Variants in TTLL11 observed in about 807,000 individuals in gnomAD.
The protein encoded by TTLL11 is tubulin tyrosine ligase like 11, also known as tubulin polyglutamylase TTLL11.
In TTLL11, 42 loss-of-function variants were observed where a neutral mutation model predicts 51.7. The observed-to-expected ratio is 0.81, with a 90% CI of 0.64 to 1.05. The LOEUF (loss-of-function observed/expected upper bound fraction) is 1.05, where lower values mean the gene tolerates loss of function less well. TTLL11 is among the 50% of genes least tolerant of loss of function. TTLL11 has a pLI of 0.00. For synonymous variants in TTLL11, 381 were observed against 383.5 expected (o/e 0.99, Z 0.08); for missense variants, 799 against 940.4 (o/e 0.85, Z 1.97).
At chr9:121,969,360 T>C (rs905647492) in intron 6 of TTLL11, among the ~76,000 whole-genome samples, 1 of 151,954 alleles carries the variant, frequency 6.6e-6, no homozygotes, top group African/African-American at 2.4e-5. Context: ...GTCAAGTTCT[T>C]CCCCCGGTAG....
chr9:121,942,316 C>T (rs1841506941), intron 6 of TTLL11, among the ~76,000 whole-genome samples: 1 of 152,234 alleles, frequency 6.6e-6, no homozygotes, highest in African/African-American at 2.4e-5. Flanking sequence ...TCCAATGTCA[C>T]CTTCACAGTC....
intron 1 of TTLL11, among the ~76,000 whole-genome samples, chr9:122,060,815 A>G (rs1845416023): frequency 6.6e-6 from 1 of 152,226 alleles, no homozygotes; most frequent in Admixed American, 6.5e-5. Flanking sequence ...ATTAGCTCCA[A>G]CGGTCCATTT....
intron 6 of TTLL11, among the ~76,000 whole-genome samples, chr9:121,881,459 A>G (rs1838788411): frequency 6.6e-6 from 1 of 152,204 alleles, no homozygotes; most frequent in African/African-American, 2.4e-5. Flanking sequence ...ATCCCAGGTC[A>G]GATACTCCCT....
At chr9:122,056,539 C>T (rs921308155) in intron 1 of TTLL11, among the ~76,000 whole-genome samples, 1 of 152,178 alleles carries the variant, frequency 6.6e-6, no homozygotes, top group African/African-American at 2.4e-5. Flanking sequence ...AACCCAGCCT[C>T]ATTAAATCCT....
chr9:121,826,314 T>TTATATATATATATATGGGTTTATA (rs201255541), intron 8 of TTLL11, among the ~76,000 whole-genome samples: 1 of 91,816 alleles, frequency 1.1e-5, no homozygotes, highest in African/African-American at 4.2e-5. Context: ...ATATATGGGT[T>TTATATATATATATATGGGTTTATA]TATATATATA....
rs148422563 is a variant in TTLL11, at chr9:121,915,206, GGT to G, written c.1482-44460_1482-44459del. Among the ~76,000 whole-genome samples the G allele has an allele frequency of 1.8e-3, 277 of 152,040 alleles. 2 individuals are homozygous for G. The highest frequency in any genetic ancestry group is 6.1e-3 in the African/African-American group (253 of 41,470). Reference sequence around the variant, plus strand: ...TAGCAACATGAAAAAAGTAAACAAAGGTGTGTGTGTGTGCATGTGCATGCATG... The same window carrying G: ...TAGCAACATGAAAAAAGTAAACAAAGGTGTGTGTGTGCATGTGCATGCATG... On this transcript the variant is annotated intron_variant, in intron 6 of 8. Transcript: ENST00000321582.
intron 1 of TTLL11, among the ~76,000 whole-genome samples, chr9:122,068,296 C>T (rs1418483541): frequency 1.3e-5 from 2 of 152,050 alleles, no homozygotes; most frequent in Non-Finnish European, 2.9e-5. Flanking sequence ...GATATGTATA[C>T]CTCTGGAAAC....
At position 121,995,754 on chromosome 9, in the gene TTLL11, G is replaced by A. The variant is rs949753541; in HGVS notation, c.694-5984C>T. Among the ~76,000 whole-genome samples, 5 of 152,124 alleles carry A rather than the reference G, an allele frequency of 3.3e-5. No homozygotes were observed. The highest frequency in any genetic ancestry group is 9.7e-5 in the African/African-American group (4 of 41,430). On this transcript the variant is annotated intron_variant, in intron 3 of 8. Transcript: ENST00000321582. This position sits in a 1 kb window ranked among gnomAD's most constrained non-coding sequence, Gnocchi z 4.4. ...TCATCGGAACCAGGCCAGGTTGTCC[G>A]ATATCTCCTACAGATGATTAATTCT...
At chr9:122,075,758 C>G (rs1195226723) in intron 1 of TTLL11, among the ~76,000 whole-genome samples, 1 of 152,132 alleles carries the variant, frequency 6.6e-6, no homozygotes, top group Non-Finnish European at 1.5e-5. Flanking sequence ...AGTGCACAGG[C>G]TAAAGAAAGC....
At chr9:121,869,034 C>G (rs1838262431) in intron 7 of TTLL11, among the ~76,000 whole-genome samples, 1 of 152,204 alleles carries the variant, frequency 6.6e-6, no homozygotes, top group African/African-American at 2.4e-5. Flanking sequence ...GGAATTTATC[C>G]AAAGCCACAC....
At chr9:121,834,612 A>C (rs1206048696) in intron 8 of TTLL11, among the ~76,000 whole-genome samples, 1 of 152,064 alleles carries the variant, frequency 6.6e-6, no homozygotes, top group Admixed American at 6.5e-5. Flanking sequence ...GTAGATCACA[A>C]GGTCAGAAGT....
intron 3 of TTLL11, among the ~76,000 whole-genome samples, chr9:122,015,677 G>A (rs535466722): frequency 4.6e-5 from 7 of 152,104 alleles, no homozygotes; most frequent in South Asian, 2.1e-4. Flanking sequence ...CGCTCCCACC[G>A]GACGGCATCA....
rs1843052603 is a variant in TTLL11 at position 121,989,701 on chromosome 9, G to T, written c.763C>A (p.Gln255Lys). ...TTAATGAGGTAGATTCCATCACCCT[G>T]ACAACCACCATCAGGTTTCACGATA... Reference protein sequence around the residue: ...TFIVKPDGGCQGDGIYLIKDP... With the variant: ...TFIVKPDGGCKGDGIYLIKDP... The change falls in exon 4 of 9, where the codon CAG (glutamine) becomes AAG (lysine). Residue 255 changes from glutamine (Q) to lysine (K), a missense_variant. Around this residue, in one of 3 missense-constraint regions of TTLL11, gnomAD observed 468 missense variants for 612.8 expected, o/e 0.76. Transcript: ENST00000321582. This position sits in a 1 kb window ranked among gnomAD's most constrained non-coding sequence, Gnocchi z 4.2. 1.2e-6 allele frequency: 2 copies of T among 1,613,470 alleles called. No individual in the cohort carries two copies. Among genetic ancestry groups the T allele is most frequent in the Non-Finnish European group, 1.7e-6 (2 of 1,179,596 alleles).
chr9:121,897,779 T>C (rs1839596426), intron 6 of TTLL11, among the ~76,000 whole-genome samples: 1 of 152,206 alleles, frequency 6.6e-6, no homozygotes, highest in South Asian at 2.1e-4. Context: ...TTCCCCTTGG[T>C]CCTGACTGTA....
chr9:121,928,499 G>A (rs1366315701), intron 6 of TTLL11, among the ~76,000 whole-genome samples: 1 of 148,816 alleles, frequency 6.7e-6, no homozygotes, highest in Non-Finnish European at 1.5e-5. Flanking sequence ...GCAGTGCAGT[G>A]GCGTGTTCTC....
intron 3 of TTLL11, among the ~76,000 whole-genome samples, chr9:122,001,176 A>C (rs1168326789): frequency 6.6e-6 from 1 of 152,100 alleles, no homozygotes; most frequent in Non-Finnish European, 1.5e-5. Flanking sequence ...GCTCATTGCA[A>C]CTGCGGCCTC....
chr9:121,914,025 C>G (rs13294377), intron 6 of TTLL11, among the ~76,000 whole-genome samples: 33,385 of 152,076 alleles, frequency 0.22, 4,447 homozygotes, highest in African/African-American at 0.36. Context: ...ACTTTCCACT[C>G]GGAGAAACTA....
At chr9:121,852,571 C>T (rs562421624) in intron 8 of TTLL11, among the ~76,000 whole-genome samples, 13 of 152,210 alleles carry the variant, frequency 8.5e-5, no homozygotes, top group South Asian at 4.1e-4. Context: ...TGGGGCCAGA[C>T]GATGGGCAGA....
intron 7 of TTLL11, among the ~76,000 whole-genome samples, chr9:121,868,314 C>T (rs1166791070): frequency 2.6e-5 from 4 of 152,152 alleles, no homozygotes; most frequent in Admixed American, 6.5e-5. Flanking sequence ...AGCCTGCCTA[C>T]CTATCTGTTC....
Sources: allele counts gnomAD v4.1 joint callset (sites outside exome capture counted in the v4.1 genomes callset), GRCh38; gene constraint gnomAD v4.1.1; regional missense constraint gnomAD v4.1.1; non-coding constraint Gnocchi (gnomAD v3.1); transcripts MANE v1.5; gene names NCBI Gene and HGNC (gene_info 2026-07-23, HGNC 2026-07-21).